Variants in OPN3 observed in about 807,000 individuals in gnomAD.
OPN3 encodes opsin 3.
A neutral mutation model predicts 33.8 loss-of-function variants in OPN3; 29 were observed. The observed-to-expected ratio is 0.86, with a 90% CI of 0.64 to 1.17. The LOEUF (loss-of-function observed/expected upper bound fraction) is 1.17, where lower values mean the gene tolerates loss of function less well. Among genes scored for constraint, OPN3 ranks in the 50% most tolerant of loss-of-function variants. OPN3 has a pLI of 0.00. For synonymous variants in OPN3, 216 were observed against 216.1 expected, an observed-to-expected ratio of 1.00 and a Z score of 0.00; for missense variants, 437 against 514.1, an observed-to-expected ratio of 0.85 and a Z score of 1.45.
chr1:241,623,710 T>A (rs1414646771), intron 1 of OPN3, among the ~76,000 whole-genome samples: 1 of 152,218 alleles, frequency 6.6e-6, no homozygotes, highest in Non-Finnish European at 1.5e-5. Flanking sequence ...AATGTAGACA[T>A]TTTCCAAATC....
intron 1 of OPN3, chr1:241,632,319 A>T (rs139825350): frequency 6.6e-6 from 1 of 152,202 alleles, no homozygotes; most frequent in African/African-American, 2.4e-5. Context: ...ACAAATTACC[A>T]TCTCAGGTGT....
At chr1:241,610,732 A>G (rs1298767282) in intron 1 of OPN3, among the ~76,000 whole-genome samples, 1 of 152,216 alleles carries the variant, frequency 6.6e-6, no homozygotes, top group Non-Finnish European at 1.5e-5. Flanking sequence ...TAATAGAGAC[A>G]TATGTTTGAG....
intron 1 of OPN3, among the ~76,000 whole-genome samples, chr1:241,605,918 A>G (rs1348024802): frequency 2.0e-5 from 3 of 152,128 alleles, no homozygotes; most frequent in Non-Finnish European, 2.9e-5. Flanking sequence ...TTATTTTTTA[A>G]CCTTTTCCTC....
intron 1 of OPN3, among the ~76,000 whole-genome samples, chr1:241,638,613 C>T (rs1188777893): frequency 2.0e-5 from 3 of 152,014 alleles, no homozygotes; most frequent in Non-Finnish European, 4.4e-5. Context: ...TCGTCCATAC[C>T]ACAGCCTACA....
chr1:241,611,288 A>G (rs1663984460), intron 1 of OPN3, among the ~76,000 whole-genome samples: 1 of 152,102 alleles, frequency 6.6e-6, no homozygotes, highest in Middle Eastern at 3.2e-3. Context: ...AAAGGCCATG[A>G]CCGAGACCTG....
intron 1 of OPN3, among the ~76,000 whole-genome samples, chr1:241,628,569 T>C (rs1010063957): frequency 6.6e-6 from 1 of 152,208 alleles, no homozygotes; most frequent in African/African-American, 2.4e-5. Context: ...AGTGACATGT[T>C]TGCATTTAGG....
intron 1 of OPN3, among the ~76,000 whole-genome samples, chr1:241,624,427 T>C (rs1310404226): frequency 6.6e-6 from 1 of 152,184 alleles, no homozygotes; most frequent in Non-Finnish European, 1.5e-5. Flanking sequence ...TGGAAATCCT[T>C]CTCAACCATA....
intron 1 of OPN3, among the ~76,000 whole-genome samples, chr1:241,638,826 T>A (rs1665001888): frequency 6.6e-6 from 1 of 152,174 alleles, no homozygotes; most frequent in South Asian, 2.1e-4. Context: ...GGTTACTGAA[T>A]AAGAAAATAT....
chr1:241,594,347 G>T lies in OPN3; in HGVS notation c.*81C>A. 2 of 1,437,736 alleles carry T rather than the reference G, an allele frequency of 1.4e-6. No homozygotes were observed. Among genetic ancestry groups the T allele is most frequent in the South Asian group, 1.3e-5 (1 of 77,610 alleles). 89.1% of individuals were successfully genotyped at this position (1,437,736 alleles called of 1,614,324 possible). A position where few individuals can be genotyped will look rare whatever the true frequency, so the allele number is the denominator to read the frequency against. On this transcript the variant is annotated 3_prime_UTR_variant, in exon 4 of 4. Coordinates refer to ENST00000366554, the MANE Select transcript of OPN3 (RefSeq NM_014322.3). ...GTTCTGTTGATATTACATAGAACGG[G>T]TATTCCAGACACTTCTTATGATGAA...
intron 1 of OPN3, among the ~76,000 whole-genome samples, chr1:241,611,493 C>CA (rs10645786): frequency 0.025 from 3,101 of 123,124 alleles, 102 homozygotes; most frequent in African/African-American, 0.065. Flanking sequence ...TTAACAAGGC[C>CA]AAAAAAAAAA....
intron 1 of OPN3, among the ~76,000 whole-genome samples, chr1:241,622,717 C>T (rs936903598): frequency 6.6e-6 from 1 of 152,224 alleles, no homozygotes; most frequent in Non-Finnish European, 1.5e-5. Context: ...GGCCCACGCT[C>T]TTGTTGAAAT....
At chr1:241,622,398 G>T (rs1222892801) in intron 1 of OPN3, among the ~76,000 whole-genome samples, 2 of 152,060 alleles carry the variant, frequency 1.3e-5, no homozygotes, top group African/African-American at 2.4e-5. Context: ...CTTATAACTT[G>T]CCAAAATACT....
chr1:241,604,526 C>A lies in OPN3; in HGVS notation c.427G>T (p.Val143Leu). 1 of 1,614,010 alleles carries A rather than the reference C, an allele frequency of 6.2e-7. No individual in the cohort carries two copies. The highest frequency in any genetic ancestry group is 8.5e-7 in the Non-Finnish European group (1 of 1,179,994). The change falls in exon 2 of 4, where the codon GTG becomes TTG. Residue 143 changes from valine (V) to leucine (L), a missense_variant. Physicochemically the swap from Val to Leu is conservative, Grantham distance 32 (BLOSUM62 1). Transcript: ENST00000366554. ...TVLAYERYIR[V>L]VHARVINFSW... Reference sequence around the variant, plus strand: ...AAATTGATCACTCTGGCATGGACCACGCGAATGTAACGTTCATAGGCCAGC... The same window carrying A: ...AAATTGATCACTCTGGCATGGACCAAGCGAATGTAACGTTCATAGGCCAGC...
At chr1:241,635,329 C>T (rs3737604) in intron 1 of OPN3, 546,100 of 1,613,612 alleles carry the variant, frequency 0.34, 94,212 homozygotes, top group South Asian at 0.36. Context: ...TATTAAAATA[C>T]GATAACTGGC....
intron 1 of OPN3, among the ~76,000 whole-genome samples, chr1:241,615,226 A>C (rs995079511): frequency 7.2e-6 from 1 of 139,620 alleles, no homozygotes; most frequent in African/African-American, 2.6e-5. Context: ...AAAAAAAAAC[A>C]GTTGGATGAA....
chr1:241,635,316 C>A (rs111635573), intron 1 of OPN3: 2 of 1,613,902 alleles, frequency 1.2e-6, no homozygotes, highest in Non-Finnish European at 1.7e-6. Context: ...GGCATTTCGT[C>A]GCTATTAAAA....
intron 3 of OPN3, among the ~76,000 whole-genome samples, chr1:241,596,357 G>A (rs1028577500): frequency 2.6e-5 from 4 of 152,122 alleles, no homozygotes; most frequent in African/African-American, 9.7e-5. Flanking sequence ...CTCTTCTGAG[G>A]CCAACTCAAG....
intron 1 of OPN3, among the ~76,000 whole-genome samples, chr1:241,624,999 T>C (rs1422361332): frequency 6.6e-6 from 1 of 152,240 alleles, no homozygotes; most frequent in East Asian, 1.9e-4. Flanking sequence ...ACCATTGGCA[T>C]CCAGTTAGTG....
chr1:241,621,340 T>A (rs1167363577), intron 1 of OPN3, among the ~76,000 whole-genome samples: 1 of 151,982 alleles, frequency 6.6e-6, no homozygotes, highest in Non-Finnish European at 1.5e-5. Context: ...AAGGGACAAC[T>A]GGGGATGGTG....
Sources: gnomAD v4.1 joint callset for allele counts (sites outside exome capture counted in the v4.1 genomes callset) on GRCh38, gnomAD v4.1.1 for gene constraint, MANE v1.5 for transcripts, NCBI Gene and HGNC (gene_info 2026-07-23, HGNC 2026-07-21) for gene names.